The following DNAH14 variants were observed in gnomAD, a reference collection of about 807,000 sequenced individuals.
DNAH14 encodes dynein axonemal heavy chain 14.
A neutral mutation model predicts 520.9 loss-of-function variants in DNAH14; 478 were observed. The observed-to-expected ratio is 0.92, with a 90% CI of 0.85 to 0.99. The LOEUF is 0.99. DNAH14 is among the 50% of genes least tolerant of loss of function. The probability of loss-of-function intolerance (pLI) is 0.00; values close to 1 mark genes in which losing one functional copy is unlikely to be tolerated. For synonymous variants in DNAH14, 1,581 were observed against 1,757.2 expected (o/e 0.90, Z 2.51); for missense variants, 4,831 against 5,234.5 (o/e 0.92, Z 2.38).
intron 60 of DNAH14, among the ~76,000 whole-genome samples, chr1:225,317,277 C>G (rs963865865): frequency 2.0e-5 from 3 of 152,050 alleles, no homozygotes; most frequent in African/African-American, 7.2e-5. Flanking sequence ...AAAACAAGAG[C>G]CACTTCATTA....
At chr1:225,080,311 A>T (rs2072969395) in intron 18 of DNAH14, 68 bp from the exon 19 acceptor site, 10 of 1,411,338 alleles carry the variant, frequency 7.1e-6, no homozygotes, top group Non-Finnish European at 8.4e-6. Context: ...AAATGCTTTC[A>T]CTGCCAGTAA....
At chr1:224,932,938 TG>T (rs2058787182) in intron 1 of DNAH14, among the ~76,000 whole-genome samples, 1 of 152,124 alleles carries the variant, frequency 6.6e-6, no homozygotes, top group Non-Finnish European at 1.5e-5. Flanking sequence ...CATATGAATT[TG>T]GGGGATTTTT....
chr1:225,155,203 A>T (rs948158731), intron 34 of DNAH14, among the ~76,000 whole-genome samples: 3 of 152,130 alleles, frequency 2.0e-5, no homozygotes, highest in African/African-American at 7.2e-5. Context: ...ATACCTTTTC[A>T]TATTGGTATG....
At chr1:225,145,266 T>C (rs1160104269) in intron 29 of DNAH14, 60 bp from the exon 30 acceptor site, 1 of 1,352,458 alleles carries the variant, frequency 7.4e-7, no homozygotes, top group African/African-American at 1.5e-5. Flanking sequence ...TCTAGCAGTT[T>C]TAACATTAGT....
Position 225,322,819 on chromosome 1 carries a change from A to G in DNAH14, c.9491A>G (p.Asp3164Gly), listed in dbSNP as rs901569386. 6.5e-7 allele frequency: 1 copy of G among 1,548,464 alleles called. No homozygotes were observed. The highest frequency in any genetic ancestry group is 1.2e-5 in the South Asian group (1 of 83,826). The change falls in exon 62 of 86, where the codon GAT (aspartate) becomes GGT (glycine). Residue 3164 changes from aspartate (D) to glycine (G), a missense_variant. Asp to Gly is a moderately conservative substitution (Grantham distance 94). Transcript: ENST00000682510. ...LINLDKDSIP[D>G]KVFVKLKKIV... ...AACCTTGACAAGGACAGCATACCTG[A>G]TAAGGTAAAAAGTTGATCTCTAATT...
intron 8 of DNAH14, among the ~76,000 whole-genome samples, chr1:224,999,898 T>C (rs942161989): frequency 2.6e-5 from 4 of 152,214 alleles, no homozygotes; most frequent in Admixed American, 6.5e-5. Flanking sequence ...TTTGAAACTT[T>C]ATCAAACATT....
chr1:225,358,488 T>C lies in DNAH14; in HGVS notation c.11620-8T>C, dbSNP rs2095456792. 4 of 1,503,500 alleles carry C rather than the reference T, an allele frequency of 2.7e-6. No homozygotes were observed. In the Admixed American group the frequency reaches 7.4e-5, roughly 28 times the overall value. The allele number at this position is 1,503,500 out of a possible 1,614,324, so 93.1% of individuals were successfully genotyped here. A position where few individuals can be genotyped will look rare whatever the true frequency, so the allele number is the denominator to read the frequency against. The stretch of plus-strand genomic sequence containing the variant: ...ATTTTACCTTATCTTCCATGTTTTC[T>C]TTTTTAGGTAAAAGTTCTTAGACCA... On this transcript the variant is annotated splice_polypyrimidine_tract_variant and splice_region_variant and intron_variant, in intron 73 of 85. Transcript: ENST00000682510.
chr1:225,152,826 ACT>A lies in DNAH14; in HGVS notation c.5144_5145del (p.Ser1715TrpfsTer5), dbSNP rs972155384. 6.4e-7 allele frequency: 1 copy of A among 1,551,296 alleles called. No homozygotes were observed. Among genetic ancestry groups the A allele is most frequent in the African/African-American group, 1.4e-5 (1 of 73,138 alleles). The stretch of plus-strand genomic sequence containing the variant: ...CATTTGGTTTCAAATCTGCAAATTC[ACT>A]CTCTGGAAAGCTAACTAACCTTTAT... ...FSFGFKSANSLSGKLTNLYEL... is the reference protein window; with the variant it reads ...FSFGFKSANSXSGKLTNLYEL... On this transcript the variant is annotated frameshift_variant, in exon 33 of 86. Transcript: ENST00000682510. LOFTEE classifies it high-confidence loss of function.
At chr1:225,129,454 T>G (rs1433004261) in intron 27 of DNAH14, among the ~76,000 whole-genome samples, 1 of 151,456 alleles carries the variant, frequency 6.6e-6, no homozygotes, top group African/African-American at 2.4e-5. Context: ...AGCATGGTAC[T>G]GGTACCAAAA....
chr1:224,938,236 C>T (rs895117644), intron 1 of DNAH14, among the ~76,000 whole-genome samples: 1 of 152,122 alleles, frequency 6.6e-6, no homozygotes, highest in Non-Finnish European at 1.5e-5. Context: ...GCAAAAGAAA[C>T]AATCAACAGA....
intron 41 of DNAH14, among the ~76,000 whole-genome samples, chr1:225,220,259 G>T (rs1239280392): frequency 6.6e-6 from 1 of 152,156 alleles, no homozygotes; most frequent in Non-Finnish European, 1.5e-5. Flanking sequence ...AGACAAGAAT[G>T]CCCAGTCTCA....
At chr1:225,163,520 A>C (rs1465471730) in intron 35 of DNAH14, among the ~76,000 whole-genome samples, 2 of 152,128 alleles carry the variant, frequency 1.3e-5, no homozygotes, top group African/African-American at 4.8e-5. Flanking sequence ...TTGTGTTGAG[A>C]TATGTTCCTT....
At chr1:225,028,171 A>G (rs1387135170) in intron 11 of DNAH14, among the ~76,000 whole-genome samples, 2 of 152,100 alleles carry the variant, frequency 1.3e-5, no homozygotes, top group Non-Finnish European at 2.9e-5. Context: ...CATTATTACC[A>G]CCTATCTTCT....
intron 35 of DNAH14, among the ~76,000 whole-genome samples, chr1:225,165,047 C>T (rs933202403): frequency 6.6e-6 from 1 of 151,984 alleles, no homozygotes; most frequent in African/African-American, 2.4e-5. Flanking sequence ...GTGTAGCAAA[C>T]CTTCTGAGAA....
At chr1:225,335,232 C>CACGTGT (rs1256588616) in intron 66 of DNAH14, among the ~76,000 whole-genome samples, 6 of 142,534 alleles carry the variant, frequency 4.2e-5, no homozygotes, top group African/African-American at 1.5e-4. Flanking sequence ...TGCACATATA[C>CACGTGT]ACATGTGTAC....
chr1:225,061,662 A>AT (rs1211676425), intron 17 of DNAH14, among the ~76,000 whole-genome samples: 3 of 151,742 alleles, frequency 2.0e-5, no homozygotes, highest in Non-Finnish European at 2.9e-5. Flanking sequence ...ATCCTAGATT[A>AT]TTGTTTTTTA....
Position 225,330,762 on chromosome 1 carries a change from A to G in DNAH14, c.9724-675A>G, listed in dbSNP as rs577523092. On this transcript the variant is annotated intron_variant, in intron 64 of 85. Coordinates refer to ENST00000682510, the MANE Select transcript of DNAH14 (RefSeq NM_001367479.1). ...CGTGATAGCACAACAGGGTGATTGT[A>G]GTCAATAATAATTTAACTGTACACT... Among the ~76,000 whole-genome samples, 3 of 152,176 alleles carry G rather than the reference A, an allele frequency of 2.0e-5. No homozygotes were observed. The South Asian group carries it at 6.2e-4, about 32-fold the overall frequency.
chr1:225,009,639 A>G (rs988760351), intron 10 of DNAH14, among the ~76,000 whole-genome samples: 2 of 152,166 alleles, frequency 1.3e-5, no homozygotes, highest in Non-Finnish European at 2.9e-5. Flanking sequence ...TAATTACGTG[A>G]AGAAAGTCAA....
chr1:225,064,486 G>T (rs1027644216), intron 17 of DNAH14, among the ~76,000 whole-genome samples: 11 of 151,886 alleles, frequency 7.2e-5, no homozygotes, highest in African/African-American at 2.7e-4. Context: ...AGCTTTATTT[G>T]CAATTGCCAA....
Sources: allele counts gnomAD v4.1 joint callset (sites outside exome capture counted in the v4.1 genomes callset), GRCh38; gene constraint gnomAD v4.1.1; transcripts MANE v1.5; gene names NCBI Gene and HGNC (gene_info 2026-07-23, HGNC 2026-07-21).